The following CERKL variants were observed in gnomAD, a reference collection of about 807,000 sequenced individuals.
CERKL encodes the protein ceramide kinase-like protein.
Under a neutral mutation model 63.4 loss-of-function variants are expected in CERKL, and 61 were observed. The observed-to-expected ratio is 0.96, with a 90% CI of 0.78 to 1.19. The LOEUF is 1.19. CERKL is among the 50% of genes most tolerant of loss of function. The probability of loss-of-function intolerance (pLI) is 0.00; values close to 1 mark genes in which losing one functional copy is unlikely to be tolerated. For synonymous variants in CERKL, 250 were observed against 230.5 expected, an observed-to-expected ratio of 1.08 and a Z score of -0.77; for missense variants, 675 against 655.5, an observed-to-expected ratio of 1.03 and a Z score of -0.33.
At chr2:181,630,213 C>T (rs1686894308) in intron 1 of CERKL, among the ~76,000 whole-genome samples, 1 of 151,914 alleles carries the variant, frequency 6.6e-6, no homozygotes, top group Admixed American at 6.6e-5. Context: ...AATTCCCCCA[C>T]TCCCCCTGCC....
rs565316803 is a variant in CERKL at position 181,569,755 on chromosome 2, A to AG, written c.614-3635dup. Among the ~76,000 whole-genome samples, 15 of 152,330 alleles carry AG rather than the reference A, an allele frequency of 9.8e-5. No homozygotes were observed. The South Asian group carries it at 3.1e-3, about 32-fold the overall frequency. Reference sequence around the variant, plus strand: ...AAGTACCTATCGTGAACAAGAGATGAGGGGCAGACAGGATATCTCTCTTCA... The same window carrying AG: ...AAGTACCTATCGTGAACAAGAGATGAGGGGGCAGACAGGATATCTCTCTTCA... On this transcript the variant is annotated intron_variant, in intron 3 of 12. Coordinates refer to ENST00000410087, the MANE Select transcript of CERKL (RefSeq NM_201548.5).
At chr2:181,556,271 C>A (rs957639758) in intron 5 of CERKL, among the ~76,000 whole-genome samples, 1 of 151,430 alleles carries the variant, frequency 6.6e-6, no homozygotes, top group Non-Finnish European at 1.5e-5. Context: ...ACTTTAAATT[C>A]TAGGGTACAT....
intron 2 of CERKL, among the ~76,000 whole-genome samples, chr2:181,589,096 C>T (rs79499664): frequency 6.6e-6 from 1 of 152,076 alleles, no homozygotes; most frequent in Admixed American, 6.6e-5. Context: ...TGTAATCCAA[C>T]GTACCTATTT....
intron 1 of CERKL, among the ~76,000 whole-genome samples, chr2:181,636,173 G>A (rs965151642): frequency 6.6e-6 from 1 of 152,106 alleles, no homozygotes; most frequent in African/African-American, 2.4e-5. Flanking sequence ...CTAAGATTTG[G>A]TAGAATATAT....
At chr2:181,544,601 A>G (rs1574432497) in intron 11 of CERKL, 99 bp downstream of exon 11, 1 of 704,002 alleles carries the variant, frequency 1.4e-6, no homozygotes, top group Non-Finnish European at 2.4e-6. Flanking sequence ...AAGAAAATAA[A>G]ACCTTCTTAT....
chr2:181,607,283 C>T (rs1489621245), intron 1 of CERKL, among the ~76,000 whole-genome samples: 3 of 152,220 alleles, frequency 2.0e-5, no homozygotes, highest in Non-Finnish European at 4.4e-5. Context: ...TACTTTAACA[C>T]ATTTTAGATT....
chr2:181,547,059 GCT>G (rs1687756901), intron 10 of CERKL, among the ~76,000 whole-genome samples: 1 of 152,104 alleles, frequency 6.6e-6, no homozygotes, highest in Non-Finnish European at 1.5e-5. Context: ...CCCTGCACAA[GCT>G]CTCTTGTCTG....
At chr2:181,539,347 C>T in intron 11 of CERKL, 83 bp from the exon 12 acceptor site, 1 of 872,130 alleles carries the variant, frequency 1.1e-6, no homozygotes, top group South Asian at 1.4e-5. Context: ...CCCTCTCTCA[C>T]AAGTAAATAT....
chr2:181,641,352 T>TGC (rs1433509907), intron 1 of CERKL, among the ~76,000 whole-genome samples: 164 of 17,422 alleles, frequency 9.4e-3, no homozygotes, highest in African/African-American at 0.052. Flanking sequence ...TATACATATA[T>TGC]ATACACATAT....
In CERKL at chr2:181,560,513, GAATA is replaced by G. The variant is rs948688946; in HGVS notation, c.678-1809_678-1806del. On this transcript the variant is annotated intron_variant, in intron 4 of 12. Coordinates refer to ENST00000410087, the MANE Select transcript of CERKL (RefSeq NM_201548.5). ...TTATAACAATAAAGAAATATTTAGT[GAATA>G]ATTACTATATATATATATCAGACAT... Among the ~76,000 whole-genome samples the G allele has an allele frequency of 6.6e-5, 10 of 152,000 alleles. 1 individual carries two copies. Among genetic ancestry groups the G allele is most frequent in the Admixed American group, 6.6e-4 (10 of 15,250 alleles).
chr2:181,619,267 A>G (rs1157999171), intron 1 of CERKL, among the ~76,000 whole-genome samples: 1 of 152,152 alleles, frequency 6.6e-6, no homozygotes, highest in East Asian at 1.9e-4. Flanking sequence ...GGAGGTCTCC[A>G]AGAATGGCAC....
At chr2:181,562,105 C>G (rs1468835714) in intron 4 of CERKL, among the ~76,000 whole-genome samples, 1 of 151,968 alleles carries the variant, frequency 6.6e-6, no homozygotes, top group Non-Finnish European at 1.5e-5. Context: ...TGAGCCACTG[C>G]TAAGCCACTG....
At chr2:181,630,442 A>G (rs978465869) in intron 1 of CERKL, among the ~76,000 whole-genome samples, 1 of 152,228 alleles carries the variant, frequency 6.6e-6, no homozygotes, top group Non-Finnish European at 1.5e-5. Flanking sequence ...AATATGTTTA[A>G]GCCCTAACCC....
At position 181,573,866 on chromosome 2, in the gene CERKL, T is replaced by G; in HGVS notation, c.500A>C (p.Lys167Thr). The change falls in exon 3 of 13, where the codon AAG (lysine) becomes ACG (threonine). Residue 167 changes from lysine to threonine, a missense_variant. Physicochemically the swap from Lys to Thr is moderately conservative, Grantham distance 78. Coordinates refer to ENST00000410087, the MANE Select transcript of CERKL (RefSeq NM_201548.5). ...KILAGFPNRP[K>T]SLKILLNPQS... ...GGGGTTAAGGAGTATTTTTAATGAC[T>G]TCGGTCTGTTTGGAAAGCCTAAGAA... 2 of 1,612,854 alleles carry G rather than the reference T, an allele frequency of 1.2e-6. No homozygotes were observed. The highest frequency in any genetic ancestry group is 1.7e-6 in the Non-Finnish European group (2 of 1,179,376).
intron 2 of CERKL, among the ~76,000 whole-genome samples, chr2:181,601,087 C>A (rs1685439379): frequency 6.6e-6 from 1 of 152,082 alleles, no homozygotes; most frequent in Non-Finnish European, 1.5e-5. Context: ...AACTAAACAA[C>A]CTGCACCTGA....
At chr2:181,635,744 T>C (rs1298706584) in intron 1 of CERKL, among the ~76,000 whole-genome samples, 3 of 152,156 alleles carry the variant, frequency 2.0e-5, no homozygotes, top group Non-Finnish European at 2.9e-5. Flanking sequence ...TTAGACAAAA[T>C]AATACCAACA....
At chr2:181,632,641 G>C (rs1687015421) in intron 1 of CERKL, among the ~76,000 whole-genome samples, 1 of 152,116 alleles carries the variant, frequency 6.6e-6, no homozygotes, top group Admixed American at 6.6e-5. Flanking sequence ...ACAAGTATAG[G>C]CAGTAGTAAG....
rs555967446 is a variant in CERKL at position 181,652,394 on chromosome 2, A to G, written c.238+4375T>C. 1.3e-3 allele frequency among the ~76,000 whole-genome samples: 203 copies of G among 152,330 alleles called. 2 individuals are homozygous for G. Among genetic ancestry groups the G allele is most frequent in the Admixed American group, 0.013 (203 of 15,302 alleles). ...AGATGTCAAGAACATGCACTGGGAA[A>G]AAGACAGTCTCTTCAACAAATGGTA... is the stretch of plus-strand genomic sequence containing the variant. On this transcript the variant is annotated intron_variant, in intron 1 of 12. Coordinates refer to ENST00000410087, the MANE Select transcript of CERKL (RefSeq NM_201548.5).
chr2:181,635,433 T>C (rs1388946218), intron 1 of CERKL, among the ~76,000 whole-genome samples: 1 of 152,156 alleles, frequency 6.6e-6, no homozygotes, highest in African/African-American at 2.4e-5. Flanking sequence ...TGTGTCTAAA[T>C]ATCTAGATAA....
Sources: gnomAD v4.1 joint callset for allele counts (sites outside exome capture counted in the v4.1 genomes callset) on GRCh38, gnomAD v4.1.1 for gene constraint, MANE v1.5 for transcripts, NCBI Gene and HGNC (gene_info 2026-07-23, HGNC 2026-07-21) for gene names.